The following ROBO2 variants were observed in gnomAD, a reference collection of about 807,000 sequenced individuals.
ROBO2 encodes the protein roundabout guidance receptor 2.
Under a neutral mutation model 160.8 loss-of-function variants are expected in ROBO2, and 53 were observed. The observed-to-expected ratio is 0.33, with a 90% confidence interval of 0.26 to 0.41. ROBO2 has a LOEUF of 0.41. Ranked by LOEUF, ROBO2 falls within the 10% of genes least tolerant of loss-of-function variation. The probability of loss-of-function intolerance (pLI) is 1.00; values close to 1 mark genes in which losing one functional copy is unlikely to be tolerated. For missense variants in ROBO2, 1,577 were observed against 1,722.4 expected (o/e 0.92, Z 1.49); for synonymous variants, 664 against 611.7 (o/e 1.09, Z -1.26).
chr3:76,045,166 T>C (rs145476736), intron 2 of ROBO2, among the ~76,000 whole-genome samples: 2 of 152,200 alleles, frequency 1.3e-5, no homozygotes, highest in East Asian at 3.9e-4. Context: ...AAGCTGACTA[T>C]ATAGTGCCCC....
At chr3:76,107,661 G>T (rs1028401231) in intron 2 of ROBO2, among the ~76,000 whole-genome samples, 8 of 151,966 alleles carry the variant, frequency 5.3e-5, no homozygotes, top group Non-Finnish European at 1.2e-4. Flanking sequence ...AGAAATTAAG[G>T]TACAGACATG....
intron 8 of ROBO2, among the ~76,000 whole-genome samples, chr3:77,555,184 G>C (rs1222553400): frequency 6.6e-6 from 1 of 151,798 alleles, no homozygotes; most frequent in Non-Finnish European, 1.5e-5. Flanking sequence ...TTTAGACATA[G>C]TATTATTCTA....
At chr3:76,014,697 G>T (rs2066353430) in intron 2 of ROBO2, among the ~76,000 whole-genome samples, 1 of 152,210 alleles carries the variant, frequency 6.6e-6, no homozygotes, top group African/African-American at 2.4e-5. Flanking sequence ...GGAGGCCCAG[G>T]TGGGATGATC....
At chr3:76,630,926 G>A (rs2089992147) in intron 2 of ROBO2, among the ~76,000 whole-genome samples, 1 of 152,054 alleles carries the variant, frequency 6.6e-6, no homozygotes, top group African/African-American at 2.4e-5. Flanking sequence ...GACAAATCTG[G>A]AACACATTTC....
chr3:76,120,935 C>G (rs2070726876), intron 2 of ROBO2, among the ~76,000 whole-genome samples: 1 of 151,966 alleles, frequency 6.6e-6, no homozygotes, highest in African/African-American at 2.4e-5. Context: ...TATTTTTATC[C>G]CCTATAGTAT....
chr3:76,911,967 CAA>C (rs35989086), intron 2 of ROBO2, among the ~76,000 whole-genome samples: 1 of 145,796 alleles, frequency 6.9e-6, no homozygotes, highest in Non-Finnish European at 1.5e-5. Flanking sequence ...GACCCTGTCT[CAA>C]AAAAAAAATA....
chr3:77,226,506 A>T (rs910046797), intron 2 of ROBO2, among the ~76,000 whole-genome samples: 2 of 152,030 alleles, frequency 1.3e-5, no homozygotes, highest in Non-Finnish European at 2.9e-5. Context: ...TTTGAACAGA[A>T]GGAACAGTAT....
intron 1 of ROBO2, among the ~76,000 whole-genome samples, chr3:77,079,752 T>G (rs2076995442): frequency 6.6e-6 from 1 of 152,196 alleles, no homozygotes; most frequent in Non-Finnish European, 1.5e-5. Flanking sequence ...ATCTGTGACC[T>G]TAATTATGGA....
chr3:77,300,844 G>A (rs1277289631), intron 2 of ROBO2, among the ~76,000 whole-genome samples: 1 of 144,420 alleles, frequency 6.9e-6, no homozygotes, highest in Admixed American at 7.3e-5. Flanking sequence ...TGAAATAATA[G>A]ACTATTTATT....
At position 77,022,156 on chromosome 3, in the gene ROBO2, G is replaced by T. The variant is rs1445459463; in HGVS notation, c.110-75858G>T. ...AAGCCGAGGCAGGCAGATCACTTGA[G>T]GTCAGGGGTTTGAGACCCGCCTGGC... On this transcript the variant is annotated intron_variant, in intron 2 of 26. Coordinates refer to the ROBO2 transcript ENST00000487694. Among the ~76,000 whole-genome samples the T allele has an allele frequency of 2.9e-5, 4 of 136,004 alleles. No individual in the cohort carries two copies. The East Asian group carries it at 5.8e-4, about 20-fold the overall frequency. 89.2% of individuals were successfully genotyped at this position (136,004 alleles called of 152,430 possible).
chr3:77,199,413 A>G (rs1388837956), intron 2 of ROBO2, among the ~76,000 whole-genome samples: 2 of 152,290 alleles, frequency 1.3e-5, no homozygotes, highest in East Asian at 3.9e-4. Context: ...CAGTCTTTAA[A>G]TGACGGTGGT....
rs1202717819 is a variant in ROBO2 at position 77,005,050 on chromosome 3, A to G, written c.110-92964A>G. ...GGGGCTGCTAAAAGCCTAAAACAAA[A>G]CAGAACAGAACAACAACAACAAAAT... On this transcript the variant is annotated intron_variant, in intron 2 of 26. Coordinates refer to the ROBO2 transcript ENST00000487694. 3.7e-5 allele frequency among the ~76,000 whole-genome samples: 4 copies of G among 107,438 alleles called. No homozygotes were observed. The South Asian group carries it at 1.2e-3, about 31-fold the overall frequency. 70.5% of individuals were successfully genotyped at this position (107,438 alleles called of 152,430 possible).
At chr3:77,642,780 T>C (rs976339329) in intron 24 of ROBO2, 2 of 456,674 alleles carry the variant, frequency 4.4e-6, no homozygotes, top group Non-Finnish European at 4.4e-6. Context: ...AAGGAAGCTC[T>C]CTAGAGAGAC....
intron 2 of ROBO2, among the ~76,000 whole-genome samples, chr3:76,603,351 AATATATATATATATATAT>A (rs71104603): frequency 3.0e-4 from 8 of 26,406 alleles, no homozygotes; most frequent in Admixed American, 2.8e-3. Context: ...AAAAAAAAAA[AATATATATATATATATAT>A]ATATATATAT....
At chr3:77,401,495 G>A (rs984614879) in intron 2 of ROBO2, among the ~76,000 whole-genome samples, 4 of 152,102 alleles carry the variant, frequency 2.6e-5, no homozygotes, top group Admixed American at 6.6e-5. Flanking sequence ...ACATTTTGAA[G>A]ACTATCCTAC....
At chr3:77,014,776 AAGAGAG>A (rs10640175) in intron 2 of ROBO2, among the ~76,000 whole-genome samples, 3 of 150,148 alleles carry the variant, frequency 2.0e-5, no homozygotes, top group Non-Finnish European at 4.5e-5. Flanking sequence ...GGCCATTTGC[AAGAGAG>A]AGAGAGAGAG....
At chr3:76,155,404 T>C (rs1223984366) in intron 2 of ROBO2, among the ~76,000 whole-genome samples, 1 of 152,104 alleles carries the variant, frequency 6.6e-6, no homozygotes, top group African/African-American at 2.4e-5. Flanking sequence ...TGAAAAATGC[T>C]ACTGGAAAAG....
At chr3:76,375,105 A>G (rs2076280541) in intron 2 of ROBO2, among the ~76,000 whole-genome samples, 1 of 151,960 alleles carries the variant, frequency 6.6e-6, no homozygotes, top group African/African-American at 2.4e-5. Flanking sequence ...GTGAGGTAGA[A>G]CATGAAATTC....
chr3:76,917,163 A>C (rs1048835341), intron 2 of ROBO2, among the ~76,000 whole-genome samples: 7 of 152,162 alleles, frequency 4.6e-5, no homozygotes, highest in African/African-American at 1.7e-4. Flanking sequence ...TCAGTGCAAT[A>C]ATGATTCTAC....
Sources: gnomAD v4.1 joint callset for allele counts (sites outside exome capture counted in the v4.1 genomes callset) on GRCh38, gnomAD v4.1.1 for gene constraint, MANE v1.5 for transcripts, NCBI Gene and HGNC (gene_info 2026-07-23, HGNC 2026-07-21) for gene names.